Variants in ITGA5 observed in about 807,000 individuals in gnomAD.
ITGA5 encodes integrin alpha-5.
Under a neutral mutation model 146.3 loss-of-function variants are expected in ITGA5, and 55 were observed. The ratio of observed to expected loss-of-function variants is 0.38; its 90% CI spans 0.30 to 0.47. The LOEUF (loss-of-function observed/expected upper bound fraction) is 0.47. Ranked by LOEUF, ITGA5 falls within the 20% of genes least tolerant of loss-of-function variation. The pLI, the probability that ITGA5 is intolerant of heterozygous loss-of-function variation, is 0.99. For missense variants in ITGA5, 1,131 were observed against 1,329.0 expected (o/e 0.85, Z 2.32); for synonymous variants, 500 against 531.8 (o/e 0.94, Z 0.82).
At chr12:54,408,294 T>G in intron 6 of ITGA5, 59 bp from the exon 7 acceptor site, 5 of 1,587,360 alleles carry the variant, frequency 3.1e-6, no homozygotes, top group African/African-American at 2.7e-5. Context: ...GGCTTGGGAC[T>G]CTGGGGGCTG....
chr12:54,399,981 T>A, intron 25 of ITGA5, 34 bp from the exon 26 acceptor site: 2 of 1,491,984 alleles, frequency 1.3e-6, no homozygotes, highest in Non-Finnish European at 1.9e-6. Flanking sequence ...CTTTCCCATC[T>A]CATTACAGCT....
At chr12:54,414,737 C>G (rs1439347899) in intron 1 of ITGA5, among the ~76,000 whole-genome samples, 1 of 150,806 alleles carries the variant, frequency 6.6e-6, no homozygotes, top group African/African-American at 2.5e-5. Context: ...GTCCCACCTA[C>G]TAGGGAGGCT....
chr12:54,402,700 CAAAA>C (rs1316524763), intron 19 of ITGA5, among the ~76,000 whole-genome samples: 1 of 123,328 alleles, frequency 8.1e-6, no homozygotes, highest in Non-Finnish European at 1.7e-5. Context: ...GACTCCGTCT[CAAAA>C]AAAAAAAAAG....
intron 2 of ITGA5, 108 bp downstream of exon 2, chr12:54,411,726 G>C (rs1274369279): frequency 2.1e-6 from 2 of 940,852 alleles, no homozygotes; most frequent in African/African-American, 3.4e-5. Context: ...GAGAGGTCAC[G>C]TGGCCGGGGT....
intron 1 of ITGA5, among the ~76,000 whole-genome samples, chr12:54,418,748 C>T (rs1565646484): frequency 6.6e-6 from 1 of 151,970 alleles, no homozygotes; most frequent in African/African-American, 2.4e-5. Context: ...CTCTCCCCAC[C>T]GGACACATGT....
chr12:54,398,837 T>TC, intron 27 of ITGA5, 139 bp from the exon 28 acceptor site: 1 of 149,746 alleles, frequency 6.7e-6, no homozygotes, highest in Non-Finnish European at 1.3e-5. Context: ...CTCTCTCTCT[T>TC]TTTTTTTTTT....
chr12:54,416,476 G>A lies in ITGA5; in HGVS notation c.218+2505C>T, dbSNP rs1191259638. ...GAAAAATCGATATGAAAGTGCTAAAGGAATATGACAGACTATTGTTACTAT... is the reference window on the plus strand; with the variant it reads ...GAAAAATCGATATGAAAGTGCTAAAAGAATATGACAGACTATTGTTACTAT... On this transcript the variant is annotated intron_variant, in intron 1 of 29. Coordinates refer to ENST00000293379, the MANE Select transcript of ITGA5 (RefSeq NM_002205.5). The surrounding 1 kb of genome is among the most constrained non-coding windows in gnomAD (Gnocchi z 4.1). Among the ~76,000 whole-genome samples, 1 of 152,224 alleles carries A rather than the reference G, an allele frequency of 6.6e-6. No individual in the cohort carries two copies. Among genetic ancestry groups the A allele is most frequent in the Non-Finnish European group, 1.5e-5 (1 of 68,032 alleles).
Position 54,402,194 on chromosome 12 carries a change from C to T in ITGA5, c.2119G>A (p.Val707Ile), listed in dbSNP as rs781404219. 3.1e-6 allele frequency: 5 copies of T among 1,613,330 alleles called. No homozygotes were observed. Among genetic ancestry groups the T allele is most frequent in the Admixed American group, 3.3e-5 (2 of 59,990 alleles). The change falls in exon 20 of 30, where the codon GTC becomes ATC. Residue 707 changes from valine to isoleucine, a missense_variant. Around this residue, in one of 3 missense-constraint regions of ITGA5, gnomAD observed 889 missense variants for 1,021.5 expected, o/e 0.87. Coordinates refer to ENST00000293379, the MANE Select transcript of ITGA5 (RefSeq NM_002205.5). ...TCTCATCTCACCCCTGGGTGTCTGACGAGTCCTGAGTACTCAGCCTCTGGA... is the reference window on the plus strand; with the variant it reads ...TCTCATCTCACCCCTGGGTGTCTGATGAGTCCTGAGTACTCAGCCTCTGGA... ...APPEAEYSGL[V>I]RHPGNFSSLS...
chr12:54,415,880 GGAGCT>G (rs199856740), intron 1 of ITGA5, among the ~76,000 whole-genome samples: 1,872 of 152,296 alleles, frequency 0.012, 45 homozygotes, highest in African/African-American at 0.043. Context: ...AAGGGAACAA[GGAGCT>G]GAGCTGAGAC....
At chr12:54,414,324 G>A (rs1433130378) in intron 1 of ITGA5, among the ~76,000 whole-genome samples, 17 of 152,182 alleles carry the variant, frequency 1.1e-4, no homozygotes. Context: ...CAGCAGTTGG[G>A]CACTTTTAGG....
intron 27 of ITGA5, 24 bp downstream of exon 27, chr12:54,399,621 A>T: frequency 6.4e-7 from 1 of 1,553,454 alleles, no homozygotes; most frequent in Non-Finnish European, 8.9e-7. Flanking sequence ...GTCAGGGGTC[A>T]GGGCTGAGGT....
At chr12:54,410,146 C>T (rs1416366737) in intron 2 of ITGA5, among the ~76,000 whole-genome samples, 1 of 152,138 alleles carries the variant, frequency 6.6e-6, no homozygotes, top group Non-Finnish European at 1.5e-5. Flanking sequence ...TGAGCCACTG[C>T]GCCCGCGTAG....
At position 54,408,813 on chromosome 12, in the gene ITGA5, A is replaced by T; in HGVS notation, c.646-12T>A. ...ACCACACGGCCAGTCTGTGGGTGAA[A>T]GGAGGGGAGTCCAACATCTGGTCCC... is the stretch of plus-strand genomic sequence containing the variant. On this transcript the variant is annotated splice_polypyrimidine_tract_variant and intron_variant, in intron 5 of 29. Transcript: ENST00000293379. The T allele has an allele frequency of 6.2e-7, 1 of 1,613,904 alleles. No individual in the cohort carries two copies. The highest frequency in any genetic ancestry group is 2.2e-5 in the East Asian group (1 of 44,876).
intron 28 of ITGA5, among the ~76,000 whole-genome samples, chr12:54,397,788 G>C (rs1209346822): frequency 1.3e-5 from 2 of 152,124 alleles, no homozygotes; most frequent in East Asian, 3.9e-4. Flanking sequence ...TCTGAGTCTG[G>C]GTTCCAGATC....
chr12:54,408,297 G>A (rs1391321410), intron 6 of ITGA5, 62 bp from the exon 7 acceptor site: 1 of 1,578,122 alleles, frequency 6.3e-7, no homozygotes, highest in Non-Finnish European at 8.7e-7. Context: ...TTGGGACTCT[G>A]GGGGCTGACT....
Position 54,403,545 on chromosome 12 carries a change from C to G in ITGA5, c.1776+80G>C, listed in dbSNP as rs769157690. The G allele has an allele frequency of 1.3e-5, 19 of 1,491,710 alleles. No individual in the cohort carries two copies. The South Asian group carries it at 2.2e-4, about 17-fold the overall frequency. The allele number at this position is 1,491,710 out of a possible 1,614,324, so 92.4% of individuals were successfully genotyped here. A position where few individuals can be genotyped will look rare whatever the true frequency, so the allele number is the denominator to read the frequency against. ...AAGCCCTTCACTGGAGTCCCCCAGT[C>G]TTTTTCCCTTCAGGAGGTGCCCTCA... is the stretch of plus-strand genomic sequence containing the variant. On this transcript the variant is annotated intron_variant, in intron 17 of 29. Coordinates refer to ENST00000293379, the MANE Select transcript of ITGA5 (RefSeq NM_002205.5). The surrounding 1 kb of genome is among the most constrained non-coding windows in gnomAD (Gnocchi z 4.9).
intron 28 of ITGA5, 53 bp downstream of exon 28, chr12:54,398,544 C>A: frequency 1.5e-6 from 2 of 1,327,980 alleles, no homozygotes; most frequent in Admixed American, 1.8e-5. Context: ...CAGCCCTGTT[C>A]CAGCACTCTG....
rs754496819 is a variant in ITGA5, at chr12:54,397,413, G to A, written c.3018C>T (p.Ile1006=). Residue 1006 remains isoleucine (I), a synonymous_variant, in exon 29 of 30, where the codon ATC becomes ATT. Transcript: ENST00000293379. ...GACCTAGGAGCAGGAGGCCAAACAG[G>A]ATGGCTAGGATGATGATCCACAGTG... ...GVPLWIIILA[I]LFGLLLLGLL... is the part of the protein sequence containing the mutation. 5.6e-6 allele frequency: 9 copies of A among 1,614,020 alleles called. No individual in the cohort carries two copies. Among genetic ancestry groups the A allele is most frequent in the Middle Eastern group, 1.6e-4 (1 of 6,082 alleles).
intron 13 of ITGA5, 62 bp downstream of exon 13, chr12:54,404,641 A>T: frequency 6.6e-7 from 1 of 1,521,688 alleles, no homozygotes; most frequent in Non-Finnish European, 9.1e-7. Flanking sequence ...GGTGCAGAAG[A>T]GAGAGTAGGG....
Sources: gnomAD v4.1 joint callset for allele counts (sites outside exome capture counted in the v4.1 genomes callset) on GRCh38, gnomAD v4.1.1 for gene constraint, gnomAD v4.1.1 regional missense constraint, Gnocchi (gnomAD v3.1) non-coding constraint, MANE v1.5 for transcripts, NCBI Gene and HGNC (gene_info 2026-07-23, HGNC 2026-07-21) for gene names.